Variants in CNTNAP2 observed in about 807,000 individuals in gnomAD.
CNTNAP2 encodes the protein contactin-associated protein-like 2.
Under a neutral mutation model 155.2 loss-of-function variants are expected in CNTNAP2, and 98 were observed. That is an observed-to-expected ratio of 0.63 (90% CI 0.54 to 0.75). The LOEUF (loss-of-function observed/expected upper bound fraction) is 0.75, where lower values mean the gene tolerates loss of function less well. Ranked by LOEUF, CNTNAP2 falls within the 30% of genes least tolerant of loss-of-function variation. The probability of loss-of-function intolerance (pLI) is 0.00; values close to 1 mark genes in which losing one functional copy is unlikely to be tolerated. For missense variants in CNTNAP2, 1,727 were observed against 1,688.1 expected (o/e 1.02, Z -0.40); for synonymous variants, 651 against 631.2 (o/e 1.03, Z -0.47).
chr7:147,533,843 T>C lies in CNTNAP2; in HGVS notation c.1778-28295T>C, dbSNP rs114603105. 5.9e-3 allele frequency among the ~76,000 whole-genome samples: 891 copies of C among 152,284 alleles called. 9 individuals carry two copies. Among genetic ancestry groups the C allele is most frequent in the African/African-American group, 0.02 (846 of 41,532 alleles). ...TCAGTTGTACTAGCAACAGTTAAAA[T>C]TGAAGACACATTAAGCATGTAATAA... On this transcript the variant is annotated intron_variant, in intron 11 of 23. Transcript: ENST00000361727.
At chr7:146,127,629 C>A (rs145991656) in intron 1 of CNTNAP2, among the ~76,000 whole-genome samples, 386 of 152,256 alleles carry the variant, frequency 2.5e-3, no homozygotes, top group African/African-American at 8.9e-3. Context: ...TTTTCTTAAG[C>A]CACATGGGTG....
At chr7:147,923,386 G>C (rs1007709086) in intron 14 of CNTNAP2, among the ~76,000 whole-genome samples, 1 of 152,126 alleles carries the variant, frequency 6.6e-6, no homozygotes, top group Non-Finnish European at 1.5e-5. Context: ...CACCACGTTG[G>C]GAGGGAGGCA....
intron 9 of CNTNAP2, among the ~76,000 whole-genome samples, chr7:147,376,783 G>A (rs1459604400): frequency 6.6e-6 from 1 of 151,860 alleles, no homozygotes; most frequent in African/African-American, 2.4e-5. Context: ...GCAATAAATA[G>A]GATCAAATTC....
At chr7:146,761,925 T>G (rs1246762568) in intron 1 of CNTNAP2, among the ~76,000 whole-genome samples, 1 of 152,142 alleles carries the variant, frequency 6.6e-6, no homozygotes, top group Admixed American at 6.5e-5. Context: ...AAATCGCCAC[T>G]TCAAAGGATA....
chr7:146,536,729 T>C (rs1407083934), intron 1 of CNTNAP2, among the ~76,000 whole-genome samples: 1 of 152,072 alleles, frequency 6.6e-6, no homozygotes, highest in Non-Finnish European at 1.5e-5. Context: ...CCAAGACATC[T>C]CTAGTCACGT....
At chr7:147,638,966 T>A (rs1173736410) in intron 12 of CNTNAP2, 140 bp from the exon 13 acceptor site, 2 of 857,012 alleles carry the variant, frequency 2.3e-6, no homozygotes, top group Non-Finnish European at 4.0e-6. Flanking sequence ...AGCAGGGGGT[T>A]TTAAGGATTG....
In CNTNAP2 at chr7:147,777,441, C is replaced by A. The variant is rs554809841; in HGVS notation, c.2099-126124C>A. On this transcript the variant is annotated intron_variant, in intron 13 of 23. Coordinates refer to ENST00000361727, the MANE Select transcript of CNTNAP2 (RefSeq NM_014141.6). ...ATGTTCACACCGACTCAGACACATA[C>A]AAATGTCATCTCTACAGAACGGCCC... 5.9e-5 allele frequency among the ~76,000 whole-genome samples: 9 copies of A among 152,274 alleles called. 1 individual carries two copies. The South Asian group carries it at 1.5e-3, about 25-fold the overall frequency.
chr7:146,605,717 T>C (rs1397975233), intron 1 of CNTNAP2, among the ~76,000 whole-genome samples: 1 of 152,202 alleles, frequency 6.6e-6, no homozygotes, highest in Non-Finnish European at 1.5e-5. Context: ...GTGTGGTAGA[T>C]GTAACACATT....
At chr7:146,228,049 A>G (rs2430325) in intron 1 of CNTNAP2, among the ~76,000 whole-genome samples, 8,079 of 152,222 alleles carry the variant, frequency 0.053, 342 homozygotes, top group African/African-American at 0.12. Context: ...ACCTGAAAGG[A>G]GTTGTTTTCA....
At position 146,442,257 on chromosome 7, in the gene CNTNAP2, C is replaced by T. The variant is rs1443779081; in HGVS notation, c.97+325284C>T. On this transcript the variant is annotated intron_variant, in intron 1 of 23. Coordinates refer to ENST00000361727, the MANE Select transcript of CNTNAP2 (RefSeq NM_014141.6). The stretch of plus-strand genomic sequence containing the variant: ...CTTCTTGCATCGAGGGTTTCTTATG[C>T]CCATCTAATTTTTGTTCCTTGTTTC... 2.0e-5 allele frequency among the ~76,000 whole-genome samples: 3 copies of T among 151,592 alleles called. 1 individual carries two copies. Among genetic ancestry groups the T allele is most frequent in the African/African-American group, 7.3e-5 (3 of 40,904 alleles).
chr7:148,085,387 T>C lies in CNTNAP2; in HGVS notation c.2384-32731T>C, dbSNP rs186046680. 1.8e-4 allele frequency among the ~76,000 whole-genome samples: 28 copies of C among 152,338 alleles called. 2 individuals are homozygous for C. The highest frequency in any genetic ancestry group is 1.6e-3 in the Admixed American group (25 of 15,296). On this transcript the variant is annotated intron_variant, in intron 15 of 23. Transcript: ENST00000361727. ...TAGCTTGGGTTGTTAAGCATCAACA[T>C]AGCTTTTCAAAATAGTTTTTTATTC... is the stretch of plus-strand genomic sequence containing the variant.
intron 1 of CNTNAP2, among the ~76,000 whole-genome samples, chr7:146,655,492 G>A (rs1423393095): frequency 6.7e-6 from 1 of 149,470 alleles, no homozygotes; most frequent in African/African-American, 2.5e-5. Flanking sequence ...ATCATGCCTT[G>A]TTTTGCTTTG....
intron 8 of CNTNAP2, among the ~76,000 whole-genome samples, chr7:147,278,058 G>A (rs1293064525): frequency 6.8e-6 from 1 of 147,786 alleles, no homozygotes; most frequent in East Asian, 2.0e-4. Context: ...TGGGTTTAAA[G>A]ATAGAAATAT....
At chr7:146,945,991 G>A (rs1246989667) in intron 3 of CNTNAP2, among the ~76,000 whole-genome samples, 1 of 152,072 alleles carries the variant, frequency 6.6e-6, no homozygotes, top group Non-Finnish European at 1.5e-5. Context: ...AAGAGGGAAA[G>A]GTGGGGCCAA....
chr7:148,206,315 A>C (rs1417334983), intron 18 of CNTNAP2, among the ~76,000 whole-genome samples: 2 of 149,060 alleles, frequency 1.3e-5, no homozygotes, highest in Non-Finnish European at 3.0e-5. Flanking sequence ...TTTATATTTA[A>C]ATTTTGACTA....
At chr7:146,357,729 A>G (rs983223490) in intron 1 of CNTNAP2, among the ~76,000 whole-genome samples, 44 of 152,268 alleles carry the variant, frequency 2.9e-4, no homozygotes, top group African/African-American at 1.0e-3. Context: ...GGTAAGATAC[A>G]CTGTTACATC....
Position 148,357,486 on chromosome 7 carries a change from C to T in CNTNAP2, c.3476-26163C>T, listed in dbSNP as rs560826346. ...CATCTCCCTCTCCCATCAGCCTTCT[C>T]TTTGCAAATTGTAGCCCCCGTTCAA... On this transcript the variant is annotated intron_variant, in intron 21 of 23. Transcript: ENST00000361727. 2.3e-4 allele frequency among the ~76,000 whole-genome samples: 35 copies of T among 152,308 alleles called. No individual in the cohort carries two copies. The East Asian group carries it at 5.2e-3, about 23-fold the overall frequency.
chr7:148,170,340 A>G (rs894983840), intron 17 of CNTNAP2, among the ~76,000 whole-genome samples: 1 of 152,240 alleles, frequency 6.6e-6, no homozygotes, highest in Non-Finnish European at 1.5e-5. Flanking sequence ...CCCTTATTGC[A>G]AGGACAAAAG....
At chr7:147,353,723 C>T (rs1003442450) in intron 9 of CNTNAP2, among the ~76,000 whole-genome samples, 1 of 152,120 alleles carries the variant, frequency 6.6e-6, no homozygotes, top group African/African-American at 2.4e-5. Context: ...AATGGCCACA[C>T]CGTCTTCCAC....
Sources: allele counts gnomAD v4.1 joint callset (sites outside exome capture counted in the v4.1 genomes callset), GRCh38; gene constraint gnomAD v4.1.1; transcripts MANE v1.5; gene names NCBI Gene and HGNC (gene_info 2026-07-23, HGNC 2026-07-21).